Variants in DLGAP5 observed in about 807,000 individuals in gnomAD.
DLGAP5 encodes the protein disks large-associated protein 5.
A neutral mutation model predicts 99.6 loss-of-function variants in DLGAP5; 90 were observed. The ratio of observed to expected loss-of-function variants is 0.90; its 90% CI spans 0.76 to 1.08. DLGAP5 has a LOEUF of 1.08. Among genes scored for constraint, DLGAP5 ranks in the 50% least tolerant of loss-of-function variants. DLGAP5 has a pLI of 0.00. For missense variants in DLGAP5, 1,036 were observed against 983.5 expected (o/e 1.05, Z -0.71); for synonymous variants, 311 against 321.3 (o/e 0.97, Z 0.34).
chr14:55,182,886 G>A (rs1043369724), intron 3 of DLGAP5, among the ~76,000 whole-genome samples: 6 of 151,878 alleles, frequency 4.0e-5, no homozygotes, highest in Admixed American at 3.9e-4. Context: ...CGACATCTTA[G>A]CACCAATTTC....
At chr14:55,157,513 G>GTGGA (rs1483939489) in intron 14 of DLGAP5, among the ~76,000 whole-genome samples, 1 of 152,116 alleles carries the variant, frequency 6.6e-6, no homozygotes, top group Non-Finnish European at 1.5e-5. Flanking sequence ...AAACTTCCTG[G>GTGGA]TGGACATCTA....
chr14:55,149,823 G>A (rs1182402651), intron 18 of DLGAP5, among the ~76,000 whole-genome samples: 1 of 123,844 alleles, frequency 8.1e-6, no homozygotes, highest in East Asian at 2.9e-4. Context: ...GGCGGGGGGG[G>A]GGCATCACCT....
At chr14:55,150,955 T>C (rs751950732) in intron 17 of DLGAP5, 107 bp from the exon 18 acceptor site, 6 of 706,080 alleles carry the variant, frequency 8.5e-6, no homozygotes, top group Non-Finnish European at 1.2e-5. Flanking sequence ...TATCAAATGC[T>C]AAGACAAAAA....
intron 14 of DLGAP5, 136 bp downstream of exon 14, chr14:55,158,385 TA>T: frequency 1.4e-6 from 1 of 710,790 alleles, no homozygotes; most frequent in Non-Finnish European, 2.3e-6. Flanking sequence ...GTCTATTTTC[TA>T]AAAATCACAG....
intron 12 of DLGAP5, among the ~76,000 whole-genome samples, chr14:55,167,999 G>A (rs1286048811): frequency 6.6e-6 from 1 of 151,620 alleles, no homozygotes; most frequent in African/African-American, 2.4e-5. Flanking sequence ...TTTTTTTTCT[G>A]TTCTCTTTTT....
intron 5 of DLGAP5, 25 bp downstream of exon 5, chr14:55,181,188 T>G: frequency 6.3e-7 from 1 of 1,599,892 alleles, no homozygotes; most frequent in Non-Finnish European, 8.5e-7. Context: ...CTCAGAGGAT[T>G]TATAGTAATT....
At chr14:55,172,522 C>T (rs1330756177) in intron 10 of DLGAP5, among the ~76,000 whole-genome samples, 5 of 151,992 alleles carry the variant, frequency 3.3e-5, no homozygotes, top group Non-Finnish European at 5.9e-5. Context: ...ATAGTCCCAG[C>T]TCCTCAGGAG....
intron 7 of DLGAP5, among the ~76,000 whole-genome samples, chr14:55,178,503 A>G (rs950282675): frequency 6.6e-6 from 1 of 152,216 alleles, no homozygotes; most frequent in Non-Finnish European, 1.5e-5. Flanking sequence ...CTGATTTTTA[A>G]TAAGATATGA....
At chr14:55,186,792 C>T (rs981135009) in intron 2 of DLGAP5, among the ~76,000 whole-genome samples, 8 of 152,238 alleles carry the variant, frequency 5.3e-5, no homozygotes, top group Non-Finnish European at 8.8e-5. Flanking sequence ...GCAGTACTGA[C>T]TAACATAGTT....
chr14:55,184,849 C>G (rs916222713), intron 2 of DLGAP5, among the ~76,000 whole-genome samples: 7 of 152,198 alleles, frequency 4.6e-5, no homozygotes. Context: ...TGGCTGCTAT[C>G]TTCAGAATCA....
intron 2 of DLGAP5, among the ~76,000 whole-genome samples, chr14:55,187,481 G>A (rs954511518): frequency 1.3e-5 from 2 of 151,786 alleles, no homozygotes; most frequent in African/African-American, 4.8e-5. Flanking sequence ...ACCACACCCA[G>A]CTAATTTTTT....
At chr14:55,184,569 G>C (rs774894909) in intron 2 of DLGAP5, among the ~76,000 whole-genome samples, 12 of 152,210 alleles carry the variant, frequency 7.9e-5, no homozygotes, top group Non-Finnish European at 1.3e-4. Context: ...GTGACCAAGA[G>C]AGTATTACAG....
chr14:55,178,183 T>G (rs940754514), intron 7 of DLGAP5, among the ~76,000 whole-genome samples: 3 of 151,324 alleles, frequency 2.0e-5, no homozygotes, highest in African/African-American at 7.3e-5. Context: ...AACCGGGAGG[T>G]GGAGCTTGCA....
Position 55,186,510 on chromosome 14 carries a change from T to C in DLGAP5, c.238+2432A>G, listed in dbSNP as rs376391009. On this transcript the variant is annotated intron_variant, in intron 2 of 18. Transcript: ENST00000247191. ...TCTCTTCATCTAAAACAGATCCTCCTCCCCACTCTTCTTTTCATGCCATTG... is the reference window on the plus strand; with the variant it reads ...TCTCTTCATCTAAAACAGATCCTCCCCCCCACTCTTCTTTTCATGCCATTG... Among the ~76,000 whole-genome samples the C allele has an allele frequency of 2.4e-4, 36 of 152,318 alleles. No individual in the cohort carries two copies. In the East Asian group the frequency reaches 2.5e-3, roughly 11 times the overall value.
chr14:55,185,629 A>T (rs910731675), intron 2 of DLGAP5, among the ~76,000 whole-genome samples: 8 of 152,218 alleles, frequency 5.3e-5, no homozygotes, highest in African/African-American at 1.9e-4. Flanking sequence ...GATTACAGGC[A>T]TGCGCCACTG....
At chr14:55,165,129 G>A (rs1025535653) in intron 12 of DLGAP5, among the ~76,000 whole-genome samples, 7 of 152,048 alleles carry the variant, frequency 4.6e-5, no homozygotes, top group Non-Finnish European at 8.8e-5. Flanking sequence ...AAAAATGGGT[G>A]CAAAAGATTT....
intron 14 of DLGAP5, among the ~76,000 whole-genome samples, chr14:55,157,966 T>C (rs10151981): frequency 0.027 from 4,134 of 152,282 alleles, 185 homozygotes; most frequent in African/African-American, 0.095. Context: ...TCTCACTAAA[T>C]TGCCCAGGCT....
At chr14:55,167,400 A>G (rs1462618920) in intron 12 of DLGAP5, among the ~76,000 whole-genome samples, 5 of 152,210 alleles carry the variant, frequency 3.3e-5, no homozygotes, top group African/African-American at 1.2e-4. Flanking sequence ...TGGTAAATAT[A>G]TAAAAACTCA....
At chr14:55,159,610 A>G (rs556444867) in intron 13 of DLGAP5, among the ~76,000 whole-genome samples, 25 of 152,338 alleles carry the variant, frequency 1.6e-4, no homozygotes, top group Non-Finnish European at 3.1e-4. Flanking sequence ...GTGGGATGGT[A>G]ACAGCATTAT....
Sources: allele counts gnomAD v4.1 joint callset (sites outside exome capture counted in the v4.1 genomes callset), GRCh38; gene constraint gnomAD v4.1.1; transcripts MANE v1.5; gene names NCBI Gene and HGNC (gene_info 2026-07-23, HGNC 2026-07-21).